Variants in CSGALNACT1 observed in about 807,000 individuals in gnomAD.
CSGALNACT1 encodes the protein chondroitin sulfate N-acetylgalactosaminyltransferase 1.
In CSGALNACT1, 52 loss-of-function variants were observed where a neutral mutation model predicts 51.0. The observed-to-expected ratio is 1.02, with a 90% CI of 0.82 to 1.29. The LOEUF (loss-of-function observed/expected upper bound fraction) is 1.29, where lower values mean the gene tolerates loss of function less well. Ranked by LOEUF, CSGALNACT1 falls within the 50% of genes most tolerant of loss-of-function variation. The probability of loss-of-function intolerance (pLI) is 0.00; values close to 1 mark genes in which losing one functional copy is unlikely to be tolerated. For synonymous variants in CSGALNACT1, 341 were observed against 254.4 expected (o/e 1.34, Z -3.24); for missense variants, 935 against 679.2 (o/e 1.38, Z -4.19).
chr8:19,757,357 C>T lies in CSGALNACT1; in HGVS notation c.-297+493G>A. 1 of 151,246 alleles carries T rather than the reference C, an allele frequency of 6.6e-6. No homozygotes were observed. Among genetic ancestry groups the T allele is most frequent in the Non-Finnish European group, 1.5e-5 (1 of 67,360 alleles). 9.4% of individuals were successfully genotyped at this position (151,246 alleles called of 1,614,324 possible). On this transcript the variant is annotated intron_variant, in intron 1 of 1. Transcript: ENST00000517494. The surrounding 1 kb of genome is among the most constrained non-coding windows in gnomAD (Gnocchi z 4.0). Reference sequence around the variant, plus strand: ...CGGCGGCGGCGGCGGCTCGGGCGGGCGGGCGCAACAGCGGCCAAGCCTGGC... The same window carrying T: ...CGGCGGCGGCGGCGGCTCGGGCGGGTGGGCGCAACAGCGGCCAAGCCTGGC...
intron 4 of CSGALNACT1, among the ~76,000 whole-genome samples, chr8:19,504,461 G>C (rs956097855): frequency 2.0e-5 from 3 of 152,116 alleles, no homozygotes; most frequent in South Asian, 2.1e-4. Flanking sequence ...GTTGATTTTT[G>C]AACCAGTAAC....
At chr8:19,517,744 T>G (rs2079848470) in intron 3 of CSGALNACT1, among the ~76,000 whole-genome samples, 2 of 152,100 alleles carry the variant, frequency 1.3e-5, no homozygotes, top group Non-Finnish European at 2.9e-5. Flanking sequence ...TGAGACTTAT[T>G]CACTATCAGG....
upstream of CSGALNACT1, among the ~76,000 whole-genome samples, chr8:19,685,777 C>T (rs2060939740): frequency 6.6e-6 from 1 of 152,126 alleles, no homozygotes; most frequent in South Asian, 2.1e-4. Flanking sequence ...CAAGGAAGCG[C>T]ATTTTGCCAC....
chr8:19,413,179 A>G (rs550127873), intron 8 of CSGALNACT1, among the ~76,000 whole-genome samples: 1 of 152,278 alleles, frequency 6.6e-6, no homozygotes, highest in African/African-American at 2.4e-5. Flanking sequence ...CTTCAAGGGA[A>G]TCATGCTGGA....
rs1386805782 is a variant in CSGALNACT1 at position 19,428,927 on chromosome 8, C to T, written c.954-8409G>A. 2.7e-5 allele frequency among the ~76,000 whole-genome samples: 4 copies of T among 150,628 alleles called. No individual in the cohort carries two copies. In the South Asian group the frequency reaches 8.4e-4, roughly 32 times the overall value. On this transcript the variant is annotated intron_variant, in intron 6 of 9. Coordinates refer to ENST00000454498, the Ensembl canonical transcript of CSGALNACT1. ...ACTTTTTATTGAGTTAAAATTCACACAACATAAAATTTTAAAGTGTATAAA... is the reference window on the plus strand; with the variant it reads ...ACTTTTTATTGAGTTAAAATTCACATAACATAAAATTTTAAAGTGTATAAA...
At chr8:19,652,600 AAAACATAATGAGCCCC>A (rs1406492995) in intron 1 of CSGALNACT1, among the ~76,000 whole-genome samples, 1 of 152,116 alleles carries the variant, frequency 6.6e-6, no homozygotes, top group Non-Finnish European at 1.5e-5. Flanking sequence ...CAGACACCAC[AAAACATAATGAGCCCC>A]ATCTCTTTGA....
intron 3 of CSGALNACT1, among the ~76,000 whole-genome samples, chr8:19,552,952 G>A (rs2088588448): frequency 6.6e-6 from 1 of 152,130 alleles, no homozygotes; most frequent in Non-Finnish European, 1.5e-5. Context: ...ACTGTGCTCA[G>A]GATACATGGA....
At chr8:19,537,004 C>T (rs187279732) in intron 3 of CSGALNACT1, among the ~76,000 whole-genome samples, 1 of 152,258 alleles carries the variant, frequency 6.6e-6, no homozygotes, top group Non-Finnish European at 1.5e-5. Context: ...CTCCAACCGA[C>T]AAACTGATCT....
At chr8:19,693,807 C>A (rs143329492) in intron 1 of CSGALNACT1, among the ~76,000 whole-genome samples, 1 of 152,228 alleles carries the variant, frequency 6.6e-6, no homozygotes, top group Non-Finnish European at 1.5e-5. Flanking sequence ...TGCTACCTTC[C>A]CCTTCTTGAA....
intron 1 of CSGALNACT1, among the ~76,000 whole-genome samples, chr8:19,726,792 T>TA (rs1366527526): frequency 2.6e-5 from 4 of 152,286 alleles, no homozygotes; most frequent in East Asian, 3.9e-4. Flanking sequence ...GTATATCCGT[T>TA]AAAAATCATT....
intron 4 of CSGALNACT1, among the ~76,000 whole-genome samples, chr8:19,486,940 T>C (rs990032125): frequency 6.6e-5 from 10 of 152,318 alleles, no homozygotes; most frequent in African/African-American, 2.4e-4. Context: ...CCAAAAAGGC[T>C]GCCTACTCTT....
chr8:19,675,311 C>T (rs1674916665), intron 1 of CSGALNACT1, among the ~76,000 whole-genome samples: 1 of 152,174 alleles, frequency 6.6e-6, no homozygotes, highest in Non-Finnish European at 1.5e-5. Flanking sequence ...TTTCCTTCCC[C>T]CACTTTCCCT....
intron 1 of CSGALNACT1, among the ~76,000 whole-genome samples, chr8:19,664,711 A>G (rs2059045641): frequency 6.6e-6 from 1 of 152,166 alleles, no homozygotes. Flanking sequence ...CTCAGCCACA[A>G]AAAAAGAATG....
chr8:19,690,397 T>G (rs1328390357), intron 1 of CSGALNACT1, among the ~76,000 whole-genome samples: 1 of 152,176 alleles, frequency 6.6e-6, no homozygotes, highest in Non-Finnish European at 1.5e-5. Context: ...ATCTCTACTT[T>G]GGGCCTTAAC....
chr8:19,558,596 G>T (rs1026584684), intron 3 of CSGALNACT1, among the ~76,000 whole-genome samples: 19 of 152,090 alleles, frequency 1.2e-4, no homozygotes, highest in African/African-American at 4.3e-4. Flanking sequence ...GTTTAATCTA[G>T]ATGTTTACTT....
At chr8:19,420,962 C>A (rs1232535534) in intron 6 of CSGALNACT1, among the ~76,000 whole-genome samples, 2 of 152,200 alleles carry the variant, frequency 1.3e-5, no homozygotes, top group African/African-American at 4.8e-5. Context: ...CATCCAGGAG[C>A]CAGGCAAAAT....
At chr8:19,673,576 C>G (rs1167785171) in intron 1 of CSGALNACT1, among the ~76,000 whole-genome samples, 1 of 152,206 alleles carries the variant, frequency 6.6e-6, no homozygotes, top group Non-Finnish European at 1.5e-5. Flanking sequence ...GTATTTCCAT[C>G]TTTAATTCCC....
intron 1 of CSGALNACT1, among the ~76,000 whole-genome samples, chr8:19,726,849 GTTTTA>G (rs1201741314): frequency 6.6e-6 from 1 of 152,160 alleles, no homozygotes; most frequent in East Asian, 1.9e-4. Context: ...AACAAAAGGG[GTTTTA>G]TTAGGACACT....
At position 19,643,114 on chromosome 8, in the gene CSGALNACT1, C is replaced by T. The variant is rs545261252; in HGVS notation, c.-544+39359G>A. ...TAATAAATTGAATTAGTAAATTTAC[C>T]TTTATATAGTAAGTTATATGTTATA... On this transcript the variant is annotated intron_variant, in intron 1 of 9. Coordinates refer to the CSGALNACT1 transcript ENST00000332246. Among the ~76,000 whole-genome samples the T allele has an allele frequency of 4.2e-4, 64 of 151,550 alleles. 1 individual carries two copies. The highest frequency in any genetic ancestry group is 6.2e-4 in the Non-Finnish European group (42 of 67,908).
Sources: gnomAD v4.1 joint callset for allele counts (sites outside exome capture counted in the v4.1 genomes callset) on GRCh38, gnomAD v4.1.1 for gene constraint, Gnocchi (gnomAD v3.1) non-coding constraint, MANE v1.5 for transcripts, NCBI Gene and HGNC (gene_info 2026-07-23, HGNC 2026-07-21) for gene names.